The following CYP2C8 variants were observed in gnomAD, a reference collection of about 807,000 sequenced individuals.
The protein encoded by CYP2C8 is cytochrome P450 family 2 subfamily C member 8.
A neutral mutation model predicts 41.3 loss-of-function variants in CYP2C8; 51 were observed. The observed-to-expected ratio is 1.24, with a 90% CI of 0.99 to 1.56. The LOEUF is 1.56. Among genes scored for constraint, CYP2C8 ranks in the 40% most tolerant of loss-of-function variants. The pLI, the probability that CYP2C8 is intolerant of heterozygous loss-of-function variation, is 0.00. For synonymous variants in CYP2C8, 218 were observed against 205.8 expected (o/e 1.06, Z -0.51); for missense variants, 651 against 579.9 (o/e 1.12, Z -1.26).
chr10:95,042,805 C>A, intron 7 of CYP2C8, 85 bp downstream of exon 7: 1 of 1,136,950 alleles, frequency 8.8e-7, no homozygotes, highest in Non-Finnish European at 1.3e-6. Context: ...CTTCTCTCAT[C>A]TTGTGTTGTT....
At chr10:95,058,900 T>A (rs1011886027) in intron 4 of CYP2C8, among the ~76,000 whole-genome samples, 3 of 152,158 alleles carry the variant, frequency 2.0e-5, no homozygotes, top group Non-Finnish European at 2.9e-5. Context: ...AGTGTTTGGT[T>A]TTTTTGTCCT....
At position 95,038,997 on chromosome 10, in the gene CYP2C8, A is replaced by G; in HGVS notation, c.1191T>C (p.Asp397=). ...IMALLTSVLH[D]DKEFPNPNIF... is the part of the protein sequence containing the mutation. The stretch of plus-strand genomic sequence containing the variant: ...TATTTGGATTAGGAAATTCTTTGTC[A>G]TCATGTAGCACGGAAGTCAGTAATG... The change falls in exon 8 of 9, where the codon GAT becomes GAC. Residue 397 remains aspartate, a synonymous_variant. Coordinates refer to ENST00000371270, the MANE Select transcript of CYP2C8 (RefSeq NM_000770.3). 6.2e-7 allele frequency: 1 copy of G among 1,613,710 alleles called. No homozygotes were observed. Among genetic ancestry groups the G allele is most frequent in the Non-Finnish European group, 8.5e-7 (1 of 1,179,558 alleles).
intron 7 of CYP2C8, among the ~76,000 whole-genome samples, chr10:95,041,351 A>C (rs1253517465): frequency 6.6e-6 from 1 of 152,226 alleles, no homozygotes; most frequent in Non-Finnish European, 1.5e-5. Context: ...AGACTTTAAA[A>C]TCATGAGGGA....
At chr10:95,062,307 G>T (rs1258832149) in intron 4 of CYP2C8, among the ~76,000 whole-genome samples, 9 of 152,088 alleles carry the variant, frequency 5.9e-5, no homozygotes, top group Non-Finnish European at 1.3e-4. Context: ...GGACTTGCTT[G>T]ATGAGTCTGG....
At chr10:95,066,151 AGAGTGTGTGTGT>A (rs1212329316) in intron 3 of CYP2C8, among the ~76,000 whole-genome samples, 127 of 82,776 alleles carry the variant, frequency 1.5e-3, no homozygotes, top group African/African-American at 2.6e-3. Flanking sequence ...AGAGAGAGAG[AGAGTGTGTGTGT>A]GTGTGTGTGT....
chr10:95,054,064 T>TA (rs910090754), intron 5 of CYP2C8, among the ~76,000 whole-genome samples: 9 of 151,556 alleles, frequency 5.9e-5, no homozygotes, highest in Non-Finnish European at 1.0e-4. Flanking sequence ...AATCAGGGGG[T>TA]AAAAAAACCC....
In CYP2C8 at chr10:95,064,800, C is replaced by T; in HGVS notation, c.642G>A (p.Gln214=). 1 of 1,613,666 alleles carries T rather than the reference C, an allele frequency of 6.2e-7. No individual in the cohort carries two copies. The highest frequency in any genetic ancestry group is 8.5e-7 in the Non-Finnish European group (1 of 1,179,832). ...NFRILNSPWI[Q]VCNNFPLLID... The stretch of plus-strand genomic sequence containing the variant: ...AAGGAAAATAAAATCTTGGCCTTAC[C>T]TGGATCCATGGGGAGTTCAGAATCC... The change falls in exon 4 of 9, where the codon CAG becomes CAA. Residue 214 remains glutamine, a splice_region_variant and synonymous_variant. Coordinates refer to ENST00000371270, the MANE Select transcript of CYP2C8 (RefSeq NM_000770.3).
At chr10:95,057,775 C>G (rs1236935086) in intron 5 of CYP2C8, among the ~76,000 whole-genome samples, 1 of 152,182 alleles carries the variant, frequency 6.6e-6, no homozygotes, top group Non-Finnish European at 1.5e-5. Context: ...TGATAAACAT[C>G]AACCTCCAAC....
At chr10:95,064,046 G>A (rs1007087249) in intron 4 of CYP2C8, among the ~76,000 whole-genome samples, 2 of 152,284 alleles carry the variant, frequency 1.3e-5, no homozygotes, top group East Asian at 1.9e-4. Context: ...CCTACTAGGG[G>A]GTGCCTCCCA....
In CYP2C8 at chr10:95,067,510, C is replaced by G. The variant is rs1200528240; in HGVS notation, c.331+19G>C. The G allele has an allele frequency of 6.2e-7, 1 of 1,614,158 alleles. No homozygotes were observed. The highest frequency in any genetic ancestry group is 1.1e-5 in the South Asian group (1 of 91,080). ...CTCACCCCAGTTACCAAAGCTGACA[C>G]AGAAATATGTGCACCTACCAAGTCC... On this transcript the variant is annotated intron_variant, in intron 2 of 8. Coordinates refer to ENST00000371270, the MANE Select transcript of CYP2C8 (RefSeq NM_000770.3).
chr10:95,040,602 A>G (rs943881816), intron 7 of CYP2C8, among the ~76,000 whole-genome samples: 1 of 152,204 alleles, frequency 6.6e-6, no homozygotes, highest in Non-Finnish European at 1.5e-5. Context: ...GATTATAAAG[A>G]CAATAATTGG....
chr10:95,064,722 A>T, intron 4 of CYP2C8, 78 bp downstream of exon 4: 1 of 1,391,280 alleles, frequency 7.2e-7, no homozygotes, highest in East Asian at 2.3e-5. Context: ...TTTAGTATCA[A>T]TTTTCTCATT....
chr10:95,041,336 A>G (rs1407069748), intron 7 of CYP2C8, among the ~76,000 whole-genome samples: 1 of 152,208 alleles, frequency 6.6e-6, no homozygotes, highest in Non-Finnish European at 1.5e-5. Context: ...GTTAATTTCT[A>G]TTACAGACTT....
chr10:95,053,540 G>A (rs1246937724), intron 5 of CYP2C8, among the ~76,000 whole-genome samples: 2 of 152,124 alleles, frequency 1.3e-5, no homozygotes, highest in Non-Finnish European at 2.9e-5. Flanking sequence ...TGATAGACTA[G>A]ATAAAGAAAA....
At chr10:95,037,597 C>T (rs536691619) in intron 8 of CYP2C8, among the ~76,000 whole-genome samples, 3 of 152,300 alleles carry the variant, frequency 2.0e-5, no homozygotes, top group African/African-American at 7.2e-5. Flanking sequence ...CCATAACAGT[C>T]ATTTCTTTAT....
chr10:95,044,489 TAC>T (rs2033069341), intron 6 of CYP2C8, among the ~76,000 whole-genome samples: 2 of 152,202 alleles, frequency 1.3e-5, no homozygotes, highest in Admixed American at 6.5e-5. Flanking sequence ...GTTGGCAAAA[TAC>T]GGAGGTCTTT....
At chr10:95,067,793 A>G (rs150670082) in intron 1 of CYP2C8, 102 bp from the exon 2 acceptor site, 25 of 1,212,388 alleles carry the variant, frequency 2.1e-5, no homozygotes, top group Non-Finnish European at 2.7e-5. Flanking sequence ...TAATGTTCAT[A>G]TTTGCCACAC....
intron 5 of CYP2C8, among the ~76,000 whole-genome samples, chr10:95,054,603 A>T (rs1046566388): frequency 6.6e-5 from 10 of 152,240 alleles, no homozygotes; most frequent in African/African-American, 2.4e-4. Flanking sequence ...TAGGTAAGAA[A>T]GGAAGACGTA....
chr10:95,058,034 G>C (rs2033344470), intron 5 of CYP2C8, among the ~76,000 whole-genome samples: 1 of 151,948 alleles, frequency 6.6e-6, no homozygotes, highest in South Asian at 2.1e-4. Flanking sequence ...TTCAGTTTGT[G>C]GTAGGATATT....
Sources: allele counts gnomAD v4.1 joint callset (sites outside exome capture counted in the v4.1 genomes callset), GRCh38; gene constraint gnomAD v4.1.1; transcripts MANE v1.5; gene names NCBI Gene and HGNC (gene_info 2026-07-23, HGNC 2026-07-21).